Variants in CAMK4 observed in about 807,000 individuals in gnomAD.
CAMK4 encodes the protein calcium/calmodulin dependent protein kinase IV.
In CAMK4, 22 loss-of-function variants were observed where a neutral mutation model predicts 44.9. That is an observed-to-expected ratio of 0.49 (90% CI 0.35 to 0.70). CAMK4 has a LOEUF of 0.70. CAMK4 is among the 30% of genes least tolerant of loss of function. CAMK4 has a pLI of 0.01. For missense variants in CAMK4, 498 were observed against 586.8 expected (o/e 0.85, Z 1.56); for synonymous variants, 218 against 215.4 (o/e 1.01, Z -0.11).
chr5:111,433,547 C>T (rs1229191810), intron 5 of CAMK4, among the ~76,000 whole-genome samples: 1 of 152,076 alleles, frequency 6.6e-6, no homozygotes, highest in Non-Finnish European at 1.5e-5. Flanking sequence ...ATTCTGTTGG[C>T]CACTAACAAG....
At chr5:111,317,669 A>G (rs971060017) in intron 1 of CAMK4, among the ~76,000 whole-genome samples, 4 of 152,056 alleles carry the variant, frequency 2.6e-5, no homozygotes, top group African/African-American at 9.7e-5. Context: ...CTGATGGTCA[A>G]GTAGGCCAAA....
chr5:111,311,433 T>G (rs1457260749), intron 1 of CAMK4, among the ~76,000 whole-genome samples: 1 of 152,154 alleles, frequency 6.6e-6, no homozygotes, highest in Non-Finnish European at 1.5e-5. Flanking sequence ...TATGAAAAAC[T>G]CTAAATAGAT....
chr5:111,298,022 G>A (rs1747563601), intron 1 of CAMK4, among the ~76,000 whole-genome samples: 1 of 152,122 alleles, frequency 6.6e-6, no homozygotes, highest in Non-Finnish European at 1.5e-5. Flanking sequence ...TTTTTCAACT[G>A]GTGGTATCTC....
At chr5:111,349,307 C>G (rs1162106696) in intron 2 of CAMK4, among the ~76,000 whole-genome samples, 1 of 151,918 alleles carries the variant, frequency 6.6e-6, no homozygotes, top group Non-Finnish European at 1.5e-5. Flanking sequence ...AAGCATGAAT[C>G]AAGGGTGAAG....
chr5:111,405,199 G>A (rs996387016), intron 5 of CAMK4, among the ~76,000 whole-genome samples: 5 of 152,230 alleles, frequency 3.3e-5, no homozygotes, highest in African/African-American at 1.2e-4. Flanking sequence ...GCTGGGTGTG[G>A]TGGCTCACGC....
chr5:111,457,174 T>C (rs1754445431), intron 7 of CAMK4, among the ~76,000 whole-genome samples: 1 of 152,224 alleles, frequency 6.6e-6, no homozygotes, highest in Admixed American at 6.5e-5. Flanking sequence ...AAATGAAGGA[T>C]ATTTTAACTT....
rs952923709 is a variant in CAMK4, at chr5:111,486,860, A to T, written c.*2394A>T. 7.2e-5 allele frequency: 11 copies of T among 152,160 alleles called. No homozygotes were observed. Among genetic ancestry groups the T allele is most frequent in the South Asian group, 2.1e-4 (1 of 4,832 alleles). 9.4% of individuals were successfully genotyped at this position (152,160 alleles called of 1,614,324 possible). On this transcript the variant is annotated 3_prime_UTR_variant, in exon 11 of 11. Coordinates refer to ENST00000282356, the MANE Select transcript of CAMK4 (RefSeq NM_001744.6). The stretch of plus-strand genomic sequence containing the variant: ...TTTTAAACCCATAAACTACATTTTT[A>T]AAAAAATCAATGGGAGTTTTAAATT...
At chr5:111,303,751 A>C (rs1747834209) in intron 1 of CAMK4, among the ~76,000 whole-genome samples, 1 of 148,938 alleles carries the variant, frequency 6.7e-6, no homozygotes, top group Non-Finnish European at 1.5e-5. Context: ...AGAACGCCAC[A>C]GAGATACTCC....
chr5:111,264,992 C>T (rs1034694842), intron 1 of CAMK4, among the ~76,000 whole-genome samples: 5 of 152,044 alleles, frequency 3.3e-5, no homozygotes, highest in African/African-American at 9.7e-5. Context: ...ATCCAATATA[C>T]GGTTAGTCCC....
At chr5:111,414,653 G>A (rs140431278) in intron 5 of CAMK4, among the ~76,000 whole-genome samples, 1 of 151,982 alleles carries the variant, frequency 6.6e-6, no homozygotes, top group Non-Finnish European at 1.5e-5. Flanking sequence ...AAAATCTATT[G>A]GATTGTAGAA....
chr5:111,356,658 T>C (rs1750370397), intron 2 of CAMK4, among the ~76,000 whole-genome samples: 1 of 152,204 alleles, frequency 6.6e-6, no homozygotes, highest in Non-Finnish European at 1.5e-5. Flanking sequence ...AAGTCTTTTA[T>C]CCATCTTGAA....
chr5:111,414,585 A>G (rs1362621170), intron 5 of CAMK4, among the ~76,000 whole-genome samples: 1 of 152,220 alleles, frequency 6.6e-6, no homozygotes, highest in Non-Finnish European at 1.5e-5. Context: ...ATAGAATAAA[A>G]TAGAAAAGGA....
intron 5 of CAMK4, among the ~76,000 whole-genome samples, chr5:111,405,790 T>G (rs1752402931): frequency 6.6e-6 from 1 of 152,040 alleles, no homozygotes; most frequent in Non-Finnish European, 1.5e-5. Flanking sequence ...CCGAAAGCAG[T>G]GGAGAGGATA....
chr5:111,274,353 C>T (rs1750667300), intron 1 of CAMK4, among the ~76,000 whole-genome samples: 1 of 152,110 alleles, frequency 6.6e-6, no homozygotes. Flanking sequence ...GTCTTCCTCC[C>T]CTAGAATGAA....
At position 111,261,893 on chromosome 5, in the gene CAMK4, C is replaced by T. The variant is rs1447391545; in HGVS notation, c.161+37249C>T. Among the ~76,000 whole-genome samples, 10 of 151,952 alleles carry T rather than the reference C, an allele frequency of 6.6e-5. No homozygotes were observed. In the East Asian group the frequency reaches 1.9e-3, roughly 29 times the overall value. On this transcript the variant is annotated intron_variant, in intron 1 of 10. Transcript: ENST00000282356. ...TAAAAGTATTTTTTTTTCCTCTTTA[C>T]ATGCTTAGCCATTGTCCAGAGGCAA... is the stretch of plus-strand genomic sequence containing the variant.
intron 1 of CAMK4, among the ~76,000 whole-genome samples, chr5:111,262,376 C>T (rs1220253347): frequency 1.3e-5 from 2 of 152,088 alleles, no homozygotes; most frequent in African/African-American, 4.8e-5. Context: ...CACTCTCCTA[C>T]AGAGGCTGAG....
rs565950102 is a variant in CAMK4 at position 111,269,597 on chromosome 5, C to T, written c.161+44953C>T. 1.9e-4 allele frequency among the ~76,000 whole-genome samples: 29 copies of T among 152,246 alleles called. No individual in the cohort carries two copies. In the South Asian group the frequency reaches 2.9e-3, roughly 15 times the overall value. On this transcript the variant is annotated intron_variant, in intron 1 of 10. Transcript: ENST00000282356. ...AGTTTGGGTACCATGCAAGCACTTA[C>T]GGCTGACATCCCTGGTCCCAGCAGT...
At chr5:111,455,644 C>G (rs1331875147) in intron 7 of CAMK4, among the ~76,000 whole-genome samples, 1 of 152,192 alleles carries the variant, frequency 6.6e-6, no homozygotes, top group African/African-American at 2.4e-5. Flanking sequence ...CTCATCTACC[C>G]TAAGGCGTGG....
chr5:111,289,745 C>G (rs1416622514), intron 1 of CAMK4, among the ~76,000 whole-genome samples: 1 of 152,154 alleles, frequency 6.6e-6, no homozygotes, highest in Non-Finnish European at 1.5e-5. Context: ...CTATAACTGC[C>G]AAAGTTGCTC....
Sources: allele counts gnomAD v4.1 joint callset (sites outside exome capture counted in the v4.1 genomes callset), GRCh38; gene constraint gnomAD v4.1.1; transcripts MANE v1.5; gene names NCBI Gene and HGNC (gene_info 2026-07-23, HGNC 2026-07-21).